The following PCDH9 variants were observed in gnomAD, a reference collection of about 807,000 sequenced individuals.
PCDH9 encodes protocadherin 9.
PCDH9 carries 24 observed loss-of-function variants against 70.6 expected under a neutral mutation model. That is an observed-to-expected ratio of 0.34 (90% CI 0.25 to 0.48). PCDH9 has a LOEUF of 0.48. Ranked by LOEUF, PCDH9 falls within the 20% of genes least tolerant of loss-of-function variation. The probability of loss-of-function intolerance (pLI) is 0.99; values close to 1 mark genes in which losing one functional copy is unlikely to be tolerated. For missense variants in PCDH9, 1,281 were observed against 1,503.6 expected, an observed-to-expected ratio of 0.85 and a Z score of 2.45; for synonymous variants, 562 against 558.5, an observed-to-expected ratio of 1.01 and a Z score of -0.09.
At chr13:66,327,416 C>T (rs943437376) in intron 4 of PCDH9, among the ~76,000 whole-genome samples, 3 of 152,146 alleles carry the variant, frequency 2.0e-5, no homozygotes, top group Admixed American at 6.5e-5. Context: ...AATGGGAGAC[C>T]TCTTGGTGTA....
intron 4 of PCDH9, among the ~76,000 whole-genome samples, chr13:66,451,811 T>C (rs185957890): frequency 9.3e-4 from 141 of 152,354 alleles, no homozygotes; most frequent in African/African-American, 3.0e-3. Flanking sequence ...ATTTTTAAAT[T>C]GGAGATCCTG....
rs368887882 is a variant in PCDH9, at chr13:67,028,395, A to G, written c.3037-124790T>C. Among the ~76,000 whole-genome samples, 104 of 119,060 alleles carry G rather than the reference A, an allele frequency of 8.7e-4. 1 individual carries two copies. In the East Asian group the frequency reaches 0.027, roughly 31 times the overall value. The allele number at this position is 119,060 out of a possible 152,430, so 78.1% of individuals were successfully genotyped here. On this transcript the variant is annotated intron_variant, in intron 2 of 4. Transcript: ENST00000377865. ...AGAACACATGGACACAGGAAGGGGA[A>G]CATCACACTCTGGGAACTGCTGTGG... is the stretch of plus-strand genomic sequence containing the variant.
chr13:67,118,088 A>G (rs749769490), intron 2 of PCDH9, among the ~76,000 whole-genome samples: 2 of 152,166 alleles, frequency 1.3e-5, no homozygotes, highest in Non-Finnish European at 2.9e-5. Flanking sequence ...TCATGTGGGC[A>G]ATGTTAAGTC....
chr13:66,344,159 T>C (rs1029583059), intron 4 of PCDH9, among the ~76,000 whole-genome samples: 5 of 152,342 alleles, frequency 3.3e-5, no homozygotes, highest in African/African-American at 1.2e-4. Context: ...TGTTTGTTTT[T>C]GAGGTGGAGT....
At chr13:67,058,103 T>C (rs188993172) in intron 2 of PCDH9, among the ~76,000 whole-genome samples, 1 of 152,310 alleles carries the variant, frequency 6.6e-6, no homozygotes, top group Admixed American at 6.5e-5. Flanking sequence ...ATTTTCTGTT[T>C]TTATTAAAAC....
At chr13:66,700,158 A>G (rs996487281) in intron 3 of PCDH9, among the ~76,000 whole-genome samples, 1 of 141,822 alleles carries the variant, frequency 7.1e-6, no homozygotes, top group African/African-American at 2.5e-5. Context: ...TGTATTGCCA[A>G]CACTAATCAA....
intron 4 of PCDH9, among the ~76,000 whole-genome samples, chr13:66,453,434 T>C (rs193159777): frequency 3.9e-5 from 6 of 152,322 alleles, no homozygotes; most frequent in Admixed American, 3.3e-4. Context: ...TGTGATATTG[T>C]TCCCTAATAT....
chr13:67,219,832 A>C (rs1243033172), intron 2 of PCDH9: 1 of 152,088 alleles, frequency 6.6e-6, no homozygotes, highest in Non-Finnish European at 1.5e-5. Flanking sequence ...ACTAATATTA[A>C]GAGAGTAATT....
intron 2 of PCDH9, among the ~76,000 whole-genome samples, chr13:67,020,358 G>A (rs1389256296): frequency 6.6e-6 from 1 of 152,108 alleles, no homozygotes; most frequent in Non-Finnish European, 1.5e-5. Flanking sequence ...TCTGCAGTAC[G>A]TGAAGAGTCA....
chr13:66,607,588 T>C (rs1233304385), intron 4 of PCDH9, among the ~76,000 whole-genome samples: 1 of 152,096 alleles, frequency 6.6e-6, no homozygotes, highest in Non-Finnish European at 1.5e-5. Flanking sequence ...TTAGTTATGT[T>C]ACATAAATAT....
At chr13:66,734,831 T>C (rs1162208229) in intron 3 of PCDH9, among the ~76,000 whole-genome samples, 1 of 152,178 alleles carries the variant, frequency 6.6e-6, no homozygotes, top group East Asian at 1.9e-4. Context: ...AAATGACTTA[T>C]ACAGCACTTA....
chr13:66,850,297 T>C (rs2081294347), intron 3 of PCDH9, among the ~76,000 whole-genome samples: 1 of 152,164 alleles, frequency 6.6e-6, no homozygotes, highest in Middle Eastern at 3.4e-3. Flanking sequence ...GGCAGGCGGA[T>C]CACCTGAGGT....
chr13:67,098,674 T>C (rs1399639132), intron 2 of PCDH9, among the ~76,000 whole-genome samples: 1 of 151,998 alleles, frequency 6.6e-6, no homozygotes, highest in Non-Finnish European at 1.5e-5. Context: ...TGTTTAGTAA[T>C]AGGAAAGTGT....
At chr13:66,898,994 A>T (rs1454999502) in intron 3 of PCDH9, among the ~76,000 whole-genome samples, 1 of 151,994 alleles carries the variant, frequency 6.6e-6, no homozygotes, top group Non-Finnish European at 1.5e-5. Context: ...TTAGGTAGAA[A>T]ATGTGAAATA....
chr13:66,444,560 T>C (rs1305303230), intron 4 of PCDH9, among the ~76,000 whole-genome samples: 1 of 152,120 alleles, frequency 6.6e-6, no homozygotes. Flanking sequence ...TTTTATTTTT[T>C]ATTTCTGTTT....
At chr13:67,033,227 T>C (rs192768173) in intron 2 of PCDH9, among the ~76,000 whole-genome samples, 49 of 152,236 alleles carry the variant, frequency 3.2e-4, no homozygotes, top group Admixed American at 2.9e-3. Flanking sequence ...TAAAACAGGA[T>C]AATGAAATGT....
rs77144368 is a variant in PCDH9 at position 66,752,933 on chromosome 13, A to C, written c.3139-121522T>G. Reference sequence around the variant, plus strand: ...AGGCCTCAGCCATATGTTTAATTTTACTAATTTTAATGTGTTGTTGAGACA... The same window carrying C: ...AGGCCTCAGCCATATGTTTAATTTTCCTAATTTTAATGTGTTGTTGAGACA... On this transcript the variant is annotated intron_variant, in intron 3 of 4. Coordinates refer to ENST00000377865, the MANE Select transcript of PCDH9 (RefSeq NM_203487.3). Among the ~76,000 whole-genome samples the C allele has an allele frequency of 9.5e-4, 144 of 152,314 alleles. 1 individual carries two copies. Among genetic ancestry groups the C allele is most frequent in the African/African-American group, 3.4e-3 (142 of 41,576 alleles).
chr13:66,680,412 GT>G (rs2078302760), intron 3 of PCDH9, among the ~76,000 whole-genome samples: 3 of 151,950 alleles, frequency 2.0e-5, no homozygotes, highest in Non-Finnish European at 4.4e-5. Flanking sequence ...TTAACACAGA[GT>G]TTATTCTCTA....
chr13:67,089,414 C>T (rs1467246738), intron 2 of PCDH9, among the ~76,000 whole-genome samples: 1 of 151,914 alleles, frequency 6.6e-6, no homozygotes, highest in South Asian at 2.1e-4. Context: ...AAGACTCCAG[C>T]GAATGGATCC....
Sources: allele counts gnomAD v4.1 joint callset (sites outside exome capture counted in the v4.1 genomes callset), GRCh38; gene constraint gnomAD v4.1.1; transcripts MANE v1.5; gene names NCBI Gene and HGNC (gene_info 2026-07-23, HGNC 2026-07-21).